The following NUMBL variants were observed in gnomAD, a reference collection of about 807,000 sequenced individuals.
NUMBL encodes numb-like protein.
Under a neutral mutation model 48.9 loss-of-function variants are expected in NUMBL, and 20 were observed. The ratio of observed to expected loss-of-function variants is 0.41; its 90% CI spans 0.29 to 0.59. The LOEUF (loss-of-function observed/expected upper bound fraction) is 0.59, where lower values mean the gene tolerates loss of function less well. Ranked by LOEUF, NUMBL falls within the 20% of genes least tolerant of loss-of-function variation. NUMBL has a pLI of 0.31. For missense variants in NUMBL, 660 were observed against 846.2 expected (o/e 0.78, Z 2.73); for synonymous variants, 340 against 348.7 (o/e 0.98, Z 0.28).
At position 40,667,995 on chromosome 19, in the gene NUMBL, G is replaced by T; in HGVS notation, c.1303C>A (p.Gln435Lys). ...KAQQQQQQQQ[Q>K]QQQQQQQQQQ... ...TGCTGCTGCTGCTGCTGCTGCTGTT[G>T]CTGTTGCTGCTGCTGCTGCTGCTGG... Residue 435 changes from glutamine to lysine, a missense_variant, in exon 10 of 10, where the codon CAA (glutamine) becomes AAA (lysine). Transcript: ENST00000252891. The surrounding 1 kb of genome is among the most constrained non-coding windows in gnomAD (Gnocchi z 6.1). 1 of 897,916 alleles carries T rather than the reference G, an allele frequency of 1.1e-6. No individual in the cohort carries two copies. Among genetic ancestry groups the T allele is most frequent in the Admixed American group, 3.2e-5 (1 of 31,530 alleles). The allele number at this position is 897,916 out of a possible 1,614,324, so 55.6% of individuals were successfully genotyped here.
chr19:40,684,339 C>A, intron 3 of NUMBL, 78 bp downstream of exon 3: 2 of 1,457,340 alleles, frequency 1.4e-6, no homozygotes, highest in Non-Finnish European at 1.8e-6. Context: ...GGTGTCCCAG[C>A]CAGGCCGCGC....
rs570182880 is a variant in NUMBL at position 40,668,136 on chromosome 19, T to A, written c.1162A>T (p.Thr388Ser). The part of the protein sequence containing the change: ...APGPPPATTG[T>S]SAWGEPSVPP... ...ACGGAGGGCTCACCCCAGGCAGAAG[T>A]CCCTGGAGAGAGGAGAGGGACAGGT... The change falls in exon 10 of 10, where the codon ACT (threonine) becomes TCT (serine). Residue 388 changes from threonine (T) to serine (S), a missense_variant and splice_region_variant. By Grantham distance (58) the Thr-to-Ser change is moderately conservative. Transcript: ENST00000252891. 2.0e-5 allele frequency: 32 copies of A among 1,592,906 alleles called. No homozygotes were observed. In the South Asian group the frequency reaches 3.5e-4, roughly 18 times the overall value.
rs1253243312 is a variant in NUMBL, at chr19:40,666,371, C to T, written c.*1097G>A. On this transcript the variant is annotated 3_prime_UTR_variant, in exon 10 of 10. Coordinates refer to ENST00000252891, the MANE Select transcript of NUMBL (RefSeq NM_004756.5). ...GCCAGGCTGGTCTCGAACTCCTGAC[C>T]TTAAGTGATCTGCCTGCCTCGACCT... 6.6e-6 allele frequency: 1 copy of T among 152,154 alleles called. No individual in the cohort carries two copies. The highest frequency in any genetic ancestry group is 1.9e-4 in the East Asian group (1 of 5,186). The allele number at this position is 152,154 out of a possible 1,614,324, so 9.4% of individuals were successfully genotyped here.
intron 7 of NUMBL, among the ~76,000 whole-genome samples, chr19:40,675,514 T>A (rs2042935): frequency 0.28 from 26,953 of 96,266 alleles, 2,699 homozygotes; most frequent in African/African-American, 0.34. Flanking sequence ...ATAAATAAAT[T>A]AATTAATTAA....
Position 40,666,176 on chromosome 19 carries a change from C to A in NUMBL, c.*1292G>T. 7.4e-6 allele frequency: 1 copy of A among 135,870 alleles called. No homozygotes were observed. Among genetic ancestry groups the A allele is most frequent in the Non-Finnish European group, 1.5e-5 (1 of 65,200 alleles). The allele number at this position is 135,870 out of a possible 1,614,324, so 8.4% of individuals were successfully genotyped here. A position where few individuals can be genotyped will look rare whatever the true frequency, so the allele number is the denominator to read the frequency against. Reference sequence around the variant, plus strand: ...TTGTTTTTTTTTTTTGAGACAGAGTCTCATTCTGTTGCCCAGGCAGGAGTG... The same window carrying A: ...TTGTTTTTTTTTTTTGAGACAGAGTATCATTCTGTTGCCCAGGCAGGAGTG... On this transcript the variant is annotated 3_prime_UTR_variant, in exon 10 of 10. Transcript: ENST00000252891.
chr19:40,682,691 A>G lies in NUMBL; in HGVS notation c.399+37T>C. 6.2e-7 allele frequency: 1 copy of G among 1,601,844 alleles called. No individual in the cohort carries two copies. Among genetic ancestry groups the G allele is most frequent in the Non-Finnish European group, 8.5e-7 (1 of 1,170,984 alleles). ...GCCCTGATTCCAGCAGGGTGAGCAG[A>G]CAGGCCCCCTGGCGTCCACCCCCAC... On this transcript the variant is annotated intron_variant, in intron 5 of 9. Coordinates refer to ENST00000252891, the MANE Select transcript of NUMBL (RefSeq NM_004756.5). This position sits in a 1 kb window ranked among gnomAD's most constrained non-coding sequence, Gnocchi z 4.0.
chr19:40,682,988 G>C lies in NUMBL; in HGVS notation c.250-20C>G, dbSNP rs764427450. 7.5e-5 allele frequency: 120 copies of C among 1,608,534 alleles called. 1 individual carries two copies. The highest frequency in any genetic ancestry group is 3.3e-4 in the Middle Eastern group (2 of 6,076). ...CAGGTACTTGGGTTGGAGGGAATGG[G>C]GGGGGGGACATGAAACAGCACAGTA... On this transcript the variant is annotated intron_variant, in intron 3 of 9. Transcript: ENST00000252891. This position sits in a 1 kb window ranked among gnomAD's most constrained non-coding sequence, Gnocchi z 4.0.
intron 6 of NUMBL, among the ~76,000 whole-genome samples, chr19:40,678,418 C>T (rs1016671428): frequency 6.6e-6 from 1 of 152,182 alleles, no homozygotes; most frequent in African/African-American, 2.4e-5. Context: ...CCACCTGGGC[C>T]TCCCAAAGTG....
chr19:40,675,651 C>T lies in NUMBL; in HGVS notation c.730+1581G>A, dbSNP rs185492565. Among the ~76,000 whole-genome samples, 72 of 146,980 alleles carry T rather than the reference C, an allele frequency of 4.9e-4. 1 individual carries two copies. Among genetic ancestry groups the T allele is most frequent in the African/African-American group, 1.8e-3 (69 of 39,412 alleles). On this transcript the variant is annotated intron_variant, in intron 7 of 9. Coordinates refer to ENST00000252891, the MANE Select transcript of NUMBL (RefSeq NM_004756.5). ...ACTTACAAAGTATTTAACCATTTACCTAGAAAGTTAGTTTTACCAAGTATG... is the reference window on the plus strand; with the variant it reads ...ACTTACAAAGTATTTAACCATTTACTTAGAAAGTTAGTTTTACCAAGTATG...
At chr19:40,676,753 T>C (rs1038553385) in intron 7 of NUMBL, among the ~76,000 whole-genome samples, 1 of 151,880 alleles carries the variant, frequency 6.6e-6, no homozygotes, top group Non-Finnish European at 1.5e-5. Context: ...TGGTGGATAG[T>C]AAACCACTTG....
At chr19:40,680,364 G>T (rs901815505) in intron 6 of NUMBL, among the ~76,000 whole-genome samples, 1 of 152,090 alleles carries the variant, frequency 6.6e-6, no homozygotes, top group Non-Finnish European at 1.5e-5. Context: ...TGGCCAGGCT[G>T]GTCTCAAATT....
In NUMBL at chr19:40,682,820, G is replaced by A; in HGVS notation, c.325-18C>T. 3 of 1,614,148 alleles carry A rather than the reference G, an allele frequency of 1.9e-6. No individual in the cohort carries two copies. Among genetic ancestry groups the A allele is most frequent in the Non-Finnish European group, 1.7e-6 (2 of 1,180,022 alleles). Reference sequence around the variant, plus strand: ...CGGCCCATCTGGAGGGAGGCAAGGGGACAAAGGAGCCGGGTCAGGGTGCCT... The same window carrying A: ...CGGCCCATCTGGAGGGAGGCAAGGGAACAAAGGAGCCGGGTCAGGGTGCCT... On this transcript the variant is annotated intron_variant, in intron 4 of 9. Coordinates refer to ENST00000252891, the MANE Select transcript of NUMBL (RefSeq NM_004756.5). The surrounding 1 kb of genome is among the most constrained non-coding windows in gnomAD (Gnocchi z 4.0).
At chr19:40,676,119 A>G (rs959865348) in intron 7 of NUMBL, among the ~76,000 whole-genome samples, 3 of 152,116 alleles carry the variant, frequency 2.0e-5, no homozygotes, top group African/African-American at 7.2e-5. Context: ...GGCTGGGCCC[A>G]GTTGTCCACA....
At chr19:40,677,569 G>A (rs917033969) in intron 6 of NUMBL, 148 bp from the exon 7 acceptor site, 3 of 675,582 alleles carry the variant, frequency 4.4e-6, no homozygotes, top group African/African-American at 1.8e-5. Context: ...GCACCACAAG[G>A]AAGGGCTGGA....
At chr19:40,675,124 C>G (rs2081867788) in intron 7 of NUMBL, among the ~76,000 whole-genome samples, 1 of 108,612 alleles carries the variant, frequency 9.2e-6, no homozygotes, top group African/African-American at 3.7e-5. Flanking sequence ...GCCTGGGCAA[C>G]AGAGCAAGAC....
intron 7 of NUMBL, among the ~76,000 whole-genome samples, chr19:40,674,610 A>T (rs1021208074): frequency 1.3e-5 from 2 of 152,130 alleles, no homozygotes; most frequent in Non-Finnish European, 2.9e-5. Context: ...TGCTTCTCCC[A>T]TCGTGACACA....
intron 9 of NUMBL, 45 bp from the exon 10 acceptor site, chr19:40,668,183 A>G (rs749168718): frequency 3.9e-6 from 6 of 1,531,056 alleles, no homozygotes; most frequent in Admixed American, 2.0e-5. Flanking sequence ...CAACGGCTTC[A>G]GCAGAAGAAC....
intron 1 of NUMBL, chr19:40,689,707 G>A (rs146827664): frequency 0.022 from 3,377 of 152,440 alleles, 50 homozygotes; most frequent in Non-Finnish European, 0.033. Context: ...CATTGTCTGC[G>A]GGTGGGGCCA....
intron 6 of NUMBL, 147 bp downstream of exon 6, chr19:40,680,769 TG>T (rs1233563035): frequency 3.4e-6 from 3 of 890,216 alleles, no homozygotes; most frequent in Non-Finnish European, 3.5e-6. Context: ...TACTCTAAAT[TG>T]GGAACCGTGA....
Sources: gnomAD v4.1 joint callset for allele counts (sites outside exome capture counted in the v4.1 genomes callset) on GRCh38, gnomAD v4.1.1 for gene constraint, Gnocchi (gnomAD v3.1) non-coding constraint, MANE v1.5 for transcripts, NCBI Gene and HGNC (gene_info 2026-07-23, HGNC 2026-07-21) for gene names.